SMARCC1: variants seen among roughly 807,000 people sequenced by gnomAD.
SMARCC1 encodes the protein SWI/SNF complex subunit SMARCC1.
SMARCC1 carries 43 observed loss-of-function variants against 147.4 expected under a neutral mutation model. That is an observed-to-expected ratio of 0.29 (90% CI 0.23 to 0.38). SMARCC1 has a LOEUF of 0.38. SMARCC1 is among the 10% of genes least tolerant of loss of function. The pLI is 1.00. For synonymous variants in SMARCC1, 495 were observed against 484.4 expected, an observed-to-expected ratio of 1.02 and a Z score of -0.29; for missense variants, 1,119 against 1,381.1, an observed-to-expected ratio of 0.81 and a Z score of 3.01.
chr3:47,653,198 C>A (rs929129143), intron 21 of SMARCC1, among the ~76,000 whole-genome samples: 4 of 152,160 alleles, frequency 2.6e-5, no homozygotes, highest in Non-Finnish European at 4.4e-5. Context: ...ACCTCATGAT[C>A]CACCCGCCTC....
intron 26 of SMARCC1, among the ~76,000 whole-genome samples, chr3:47,593,676 C>A (rs772013146): frequency 1.1e-4 from 16 of 152,132 alleles, no homozygotes; most frequent in Non-Finnish European, 1.3e-4. Flanking sequence ...AATTACAATA[C>A]ACAAAGCAGT....
intron 10 of SMARCC1, 78 bp from the exon 11 acceptor site, chr3:47,701,480 C>T (rs1318642319): frequency 1.5e-6 from 2 of 1,299,854 alleles, no homozygotes; most frequent in Non-Finnish European, 2.2e-6. Flanking sequence ...AGGTTGTACA[C>T]CTTCATTATT....
intron 22 of SMARCC1, among the ~76,000 whole-genome samples, chr3:47,636,788 ATGTGTGTGTGTGTGTGTGTGTGTGTG>A (rs35445330): frequency 1.2e-5 from 1 of 80,670 alleles, no homozygotes; most frequent in African/African-American, 4.3e-5. Flanking sequence ...AAATATATAT[ATGTGTGTGTGTGTGTGTGTGTGTGTG>A]TGTGTGTGTG....
intron 2 of SMARCC1, among the ~76,000 whole-genome samples, chr3:47,753,307 A>C (rs1344518142): frequency 6.8e-6 from 1 of 147,128 alleles, no homozygotes; most frequent in Non-Finnish European, 1.5e-5. Context: ...CCTGGGCAAC[A>C]GAGCGAGACT....
rs761973796 is a variant in SMARCC1 at position 47,706,547 on chromosome 3, G to A, written c.919-17C>T. ...TCTGACTGGCTAGGAAGAAGTAAAT[G>A]GAAATAAGTATCAGCTATCTTTGCT... On this transcript the variant is annotated splice_polypyrimidine_tract_variant and intron_variant, in intron 9 of 27. Coordinates refer to ENST00000254480, the MANE Select transcript of SMARCC1 (RefSeq NM_003074.4). 2.0e-6 allele frequency: 3 copies of A among 1,534,418 alleles called. No individual in the cohort carries two copies. The African/African-American group carries it at 4.3e-5, about 22-fold the overall frequency.
intron 2 of SMARCC1, among the ~76,000 whole-genome samples, chr3:47,757,298 T>C (rs1319050579): frequency 1.3e-5 from 2 of 152,006 alleles, no homozygotes; most frequent in African/African-American, 4.8e-5. Flanking sequence ...TGTGCAAATT[T>C]TTAAACAGGC....
chr3:47,659,763 G>GGT lies in SMARCC1; in HGVS notation c.2320+1530_2320+1531insAC, dbSNP rs1481675082. ...AAAGTCTACTAAGAAAAAAAAAAGGGGGGGGGGGCAAGAATCTGAGTAGGT... is the reference window on the plus strand; with the variant it reads ...AAAGTCTACTAAGAAAAAAAAAAGGGGTGGGGGGGGCAAGAATCTGAGTAGGT... On this transcript the variant is annotated intron_variant, in intron 21 of 27. Coordinates refer to ENST00000254480, the MANE Select transcript of SMARCC1 (RefSeq NM_003074.4). Among the ~76,000 whole-genome samples the GGT allele has an allele frequency of 2.4e-5, 3 of 123,064 alleles. 1 individual carries two copies. The East Asian group carries it at 8.1e-4, about 33-fold the overall frequency. The allele number at this position is 123,064 out of a possible 152,430, so 80.7% of individuals were successfully genotyped here. A position where few individuals can be genotyped will look rare whatever the true frequency, so the allele number is the denominator to read the frequency against.
At chr3:47,755,989 T>TAAAAAAA (rs34001771) in intron 2 of SMARCC1, among the ~76,000 whole-genome samples, 2 of 22,894 alleles carry the variant, frequency 8.7e-5, no homozygotes, top group African/African-American at 1.7e-4. Flanking sequence ...GGCTTCATCT[T>TAAAAAAA]AAAAAAAAAA....
At position 47,610,325 on chromosome 3, in the gene SMARCC1, T is replaced by C; in HGVS notation, c.2784A>G (p.Leu928=). 1.9e-6 allele frequency: 3 copies of C among 1,614,202 alleles called. No individual in the cohort carries two copies. The highest frequency in any genetic ancestry group is 2.5e-6 in the Non-Finnish European group (3 of 1,180,026). ...ETIMDREKEA[L]EQQRQQLLTE... is the part of the protein sequence containing the mutation. ...TAAGCAACTGCTGCCTCTGTTGTTC[T>C]AGCTGTAAGCAAAGGAAGTGGAAGA... Residue 928 remains leucine, a splice_region_variant and synonymous_variant, in exon 26 of 28, where the codon CTA becomes CTG. Transcript: ENST00000254480.
intron 10 of SMARCC1, among the ~76,000 whole-genome samples, chr3:47,702,902 A>C (rs1424970180): frequency 6.6e-6 from 1 of 151,968 alleles, no homozygotes; most frequent in Non-Finnish European, 1.5e-5. Context: ...CCTGGCCCAA[A>C]AAGTTTTGTT....
intron 25 of SMARCC1, among the ~76,000 whole-genome samples, chr3:47,618,453 G>A (rs1174517275): frequency 6.6e-6 from 1 of 151,822 alleles, no homozygotes; most frequent in Non-Finnish European, 1.5e-5. Context: ...AGGCTGAGGA[G>A]GGAGGATCAC....
At chr3:47,723,041 G>C (rs1035032146) in intron 6 of SMARCC1, among the ~76,000 whole-genome samples, 3 of 152,144 alleles carry the variant, frequency 2.0e-5, no homozygotes, top group Admixed American at 2.0e-4. Flanking sequence ...ATTTAGAAAA[G>C]GGGAAATACT....
intron 2 of SMARCC1, among the ~76,000 whole-genome samples, chr3:47,756,671 T>C (rs917446894): frequency 2.6e-5 from 4 of 152,208 alleles, no homozygotes; most frequent in African/African-American, 9.6e-5. Flanking sequence ...AGTCCACTCT[T>C]GTTTTTGTAA....
At chr3:47,600,317 C>T (rs1330665898) in intron 26 of SMARCC1, among the ~76,000 whole-genome samples, 2 of 152,174 alleles carry the variant, frequency 1.3e-5, no homozygotes, top group Non-Finnish European at 2.9e-5. Context: ...CTTTGCCATT[C>T]AGAGGTTCCT....
At chr3:47,719,611 G>A (rs2034205198) in intron 7 of SMARCC1, among the ~76,000 whole-genome samples, 2 of 152,062 alleles carry the variant, frequency 1.3e-5, no homozygotes, top group Admixed American at 1.3e-4. Context: ...ATGGAGGCAG[G>A]AGAATCACTT....
intron 2 of SMARCC1, among the ~76,000 whole-genome samples, chr3:47,753,712 CA>C (rs71070226): frequency 0.028 from 1,958 of 69,560 alleles, 17 homozygotes; most frequent in South Asian, 0.072. Flanking sequence ...AACTCCATCT[CA>C]AAAAAAAAAA....
At chr3:47,684,647 T>C (rs1003724635) in intron 14 of SMARCC1, among the ~76,000 whole-genome samples, 24 of 152,088 alleles carry the variant, frequency 1.6e-4, no homozygotes, top group African/African-American at 5.8e-4. Flanking sequence ...TTCACCAGGT[T>C]GGCCAGGCTA....
At chr3:47,605,757 A>G (rs1218156138) in intron 26 of SMARCC1, among the ~76,000 whole-genome samples, 1 of 152,174 alleles carries the variant, frequency 6.6e-6, no homozygotes, top group Non-Finnish European at 1.5e-5. Context: ...TGGGTGACAG[A>G]GTAAGGCCCT....
intron 2 of SMARCC1, among the ~76,000 whole-genome samples, chr3:47,758,087 C>T (rs2034723572): frequency 1.3e-5 from 2 of 152,156 alleles, no homozygotes; most frequent in East Asian, 1.9e-4. Flanking sequence ...ATTCCCACAA[C>T]GGAATACTAT....
Sources: allele counts gnomAD v4.1 joint callset (sites outside exome capture counted in the v4.1 genomes callset), GRCh38; gene constraint gnomAD v4.1.1; transcripts MANE v1.5; gene names NCBI Gene and HGNC (gene_info 2026-07-23, HGNC 2026-07-21).